Variants in CNTN4 observed in about 807,000 individuals in gnomAD.
The protein encoded by CNTN4 is contactin 4.
Under a neutral mutation model 122.5 loss-of-function variants are expected in CNTN4, and 77 were observed. The observed-to-expected ratio is 0.63, with a 90% CI of 0.52 to 0.76. The LOEUF (loss-of-function observed/expected upper bound fraction) is 0.76, where lower values mean the gene tolerates loss of function less well. Among genes scored for constraint, CNTN4 ranks in the 30% least tolerant of loss-of-function variants. The probability of loss-of-function intolerance (pLI) is 0.00; values close to 1 mark genes in which losing one functional copy is unlikely to be tolerated. For missense variants in CNTN4, 1,256 were observed against 1,259.1 expected (o/e 1.00, Z 0.04); for synonymous variants, 512 against 447.0 (o/e 1.15, Z -1.83).
chr3:2,275,983 G>A (rs1474640117), intron 2 of CNTN4, among the ~76,000 whole-genome samples: 1 of 151,014 alleles, frequency 6.6e-6, no homozygotes, highest in Non-Finnish European at 1.5e-5. Context: ...GAAATATCAG[G>A]TGAGTATAAA....
intron 3 of CNTN4, among the ~76,000 whole-genome samples, chr3:2,477,553 A>G (rs2075867706): frequency 6.6e-6 from 1 of 152,182 alleles, no homozygotes; most frequent in South Asian, 2.1e-4. Flanking sequence ...CAGCCCAGTT[A>G]GAAAGCACCT....
intron 3 of CNTN4, among the ~76,000 whole-genome samples, chr3:2,374,163 A>G (rs1321245689): frequency 1.3e-5 from 2 of 152,156 alleles, no homozygotes; most frequent in African/African-American, 4.8e-5. Flanking sequence ...GTAGAAGGTG[A>G]TATGCATGGA....
intron 3 of CNTN4, among the ~76,000 whole-genome samples, chr3:2,383,932 G>A (rs112587131): frequency 5.3e-4 from 81 of 152,186 alleles, no homozygotes; most frequent in Non-Finnish European, 1.1e-3. Flanking sequence ...AAACCATTAA[G>A]TTGGAGACCT....
chr3:2,781,020 G>A (rs2091546757), intron 6 of CNTN4, among the ~76,000 whole-genome samples: 1 of 152,010 alleles, frequency 6.6e-6, no homozygotes, highest in Non-Finnish European at 1.5e-5. Flanking sequence ...ATCAACTATG[G>A]TCCTGCCAAA....
intron 2 of CNTN4, among the ~76,000 whole-genome samples, chr3:2,145,865 T>G (rs2035223809): frequency 6.6e-6 from 1 of 152,178 alleles, no homozygotes; most frequent in East Asian, 1.9e-4. Flanking sequence ...CTTAAGTAAT[T>G]TGACAAAGGT....
rs918881037 is a variant in CNTN4 at position 2,709,566 on chromosome 3, A to G, written c.56-26649A>G. ...CTAGACCAGTCTCCTTTCCAATTCCATAAAATGAACAATTTCACATATTGA... is the reference window on the plus strand; with the variant it reads ...CTAGACCAGTCTCCTTTCCAATTCCGTAAAATGAACAATTTCACATATTGA... On this transcript the variant is annotated intron_variant, in intron 4 of 24. Coordinates refer to ENST00000418658, the MANE Select transcript of CNTN4 (RefSeq NM_175607.3). This position sits in a 1 kb window ranked among gnomAD's most constrained non-coding sequence, Gnocchi z 5.0. Among the ~76,000 whole-genome samples, 6 of 152,170 alleles carry G rather than the reference A, an allele frequency of 3.9e-5. No individual in the cohort carries two copies. Among genetic ancestry groups the G allele is most frequent in the Non-Finnish European group, 8.8e-5 (6 of 68,016 alleles).
At chr3:2,805,550 G>A (rs1576861494) in intron 6 of CNTN4, among the ~76,000 whole-genome samples, 1 of 152,190 alleles carries the variant, frequency 6.6e-6, no homozygotes, top group African/African-American at 2.4e-5. Flanking sequence ...CTGGGTTTGA[G>A]TAACTCTCTT....
chr3:2,459,882 G>A (rs1024160517), intron 3 of CNTN4, among the ~76,000 whole-genome samples: 6 of 152,112 alleles, frequency 3.9e-5, no homozygotes, highest in Non-Finnish European at 5.9e-5. Context: ...TAGTTTAACT[G>A]TTGTCAGTCT....
intron 3 of CNTN4, among the ~76,000 whole-genome samples, chr3:2,514,938 CT>C (rs1481058767): frequency 1.1e-4 from 16 of 151,686 alleles, no homozygotes; most frequent in South Asian, 8.3e-4. Flanking sequence ...CTGCTACCCC[CT>C]CCCTCTCTCT....
At chr3:2,364,373 T>C (rs1206035356) in intron 3 of CNTN4, among the ~76,000 whole-genome samples, 1 of 152,192 alleles carries the variant, frequency 6.6e-6, no homozygotes, top group Non-Finnish European at 1.5e-5. Flanking sequence ...GCCCTTGCTG[T>C]TTTTATTCTA....
chr3:2,456,631 T>A (rs1443329193), intron 3 of CNTN4, among the ~76,000 whole-genome samples: 3 of 152,146 alleles, frequency 2.0e-5, no homozygotes, highest in Non-Finnish European at 4.4e-5. Context: ...TGTAACCTTC[T>A]GTGTCTAGCT....
At chr3:2,734,451 G>A (rs895422989) in intron 4 of CNTN4, among the ~76,000 whole-genome samples, 4 of 152,174 alleles carry the variant, frequency 2.6e-5, no homozygotes, top group Non-Finnish European at 5.9e-5. Context: ...GTAGAGACTA[G>A]GTGATTTTCC....
At chr3:2,671,468 G>GGTTATTCTA (rs1172824443) in intron 4 of CNTN4, among the ~76,000 whole-genome samples, 34 of 151,974 alleles carry the variant, frequency 2.2e-4, no homozygotes, top group Non-Finnish European at 7.4e-5. Context: ...TCCCTTCATT[G>GGTTATTCTA]GTTATTCTAG....
intron 20 of CNTN4, chr3:3,041,049 A>G (rs140603341): frequency 6.6e-6 from 1 of 152,166 alleles, no homozygotes. Context: ...TATCACCTCC[A>G]TGCTATCCCT....
At chr3:2,968,579 A>T (rs1433718022) in intron 13 of CNTN4, among the ~76,000 whole-genome samples, 1 of 152,198 alleles carries the variant, frequency 6.6e-6, no homozygotes, top group Non-Finnish European at 1.5e-5. Flanking sequence ...AGTCAGAAAA[A>T]ACTTTTTGTG....
At chr3:2,658,367 A>C (rs539100048) in intron 4 of CNTN4, among the ~76,000 whole-genome samples, 2 of 152,206 alleles carry the variant, frequency 1.3e-5, no homozygotes, top group African/African-American at 4.8e-5. Context: ...TTTCATGGCC[A>C]TGGGACAGAC....
intron 3 of CNTN4, among the ~76,000 whole-genome samples, chr3:2,407,304 T>C (rs560275820): frequency 6.6e-6 from 1 of 152,304 alleles, no homozygotes; most frequent in East Asian, 1.9e-4. Flanking sequence ...AGTTGTCAAA[T>C]ACCTTCTGAG....
chr3:3,057,784 T>C lies in CNTN4; in HGVS notation c.*1564T>C, dbSNP rs1418531152. 6.6e-6 allele frequency: 1 copy of C among 152,364 alleles called. No homozygotes were observed. Among genetic ancestry groups the C allele is most frequent in the African/African-American group, 2.4e-5 (1 of 41,330 alleles). The allele number at this position is 152,364 out of a possible 1,614,324, so 9.4% of individuals were successfully genotyped here. A position where few individuals can be genotyped will look rare whatever the true frequency, so the allele number is the denominator to read the frequency against. The stretch of plus-strand genomic sequence containing the variant: ...TCTTAGTTTGATATGGTTACTTCTA[T>C]GTTGAAATAAAATTTAAAATCACAT... On this transcript the variant is annotated 3_prime_UTR_variant, in exon 25 of 25. Transcript: ENST00000418658.
chr3:2,475,370 T>C (rs777981395), intron 3 of CNTN4, among the ~76,000 whole-genome samples: 15 of 152,324 alleles, frequency 9.8e-5, no homozygotes, highest in Admixed American at 2.0e-4. Context: ...TTAGGTGTTC[T>C]TACTCAAGAG....
Sources: allele counts gnomAD v4.1 joint callset (sites outside exome capture counted in the v4.1 genomes callset), GRCh38; gene constraint gnomAD v4.1.1; non-coding constraint Gnocchi (gnomAD v3.1); transcripts MANE v1.5; gene names NCBI Gene and HGNC (gene_info 2026-07-23, HGNC 2026-07-21).